Variants in ABLIM1 observed in about 807,000 individuals in gnomAD.
The protein encoded by ABLIM1 is actin binding LIM protein 1, also known as actin-binding LIM protein 1.
In ABLIM1, 40 loss-of-function variants were observed where a neutral mutation model predicts 107.0. The observed-to-expected ratio is 0.37, with a 90% confidence interval of 0.29 to 0.49. The LOEUF (loss-of-function observed/expected upper bound fraction) is 0.49, where lower values mean the gene tolerates loss of function less well. ABLIM1 is among the 20% of genes least tolerant of loss of function. The pLI, the probability that ABLIM1 is intolerant of heterozygous loss-of-function variation, is 0.97. For missense variants in ABLIM1, 857 were observed against 1,008.5 expected, an observed-to-expected ratio of 0.85 and a Z score of 2.04; for synonymous variants, 357 against 357.3, an observed-to-expected ratio of 1.00 and a Z score of 0.01.
chr10:114,689,248 T>C (rs182730756), upstream of ABLIM1, among the ~76,000 whole-genome samples: 18 of 152,126 alleles, frequency 1.2e-4, no homozygotes, highest in Non-Finnish European at 2.5e-4. Flanking sequence ...CCAATGATCC[T>C]AGGCAAATCA....
Position 114,479,153 on chromosome 10 carries a change from G to C in ABLIM1, c.1042-5197C>G, listed in dbSNP as rs188737622. Among the ~76,000 whole-genome samples the C allele has an allele frequency of 3.3e-4, 51 of 152,248 alleles. No individual in the cohort carries two copies. The Middle Eastern group carries it at 0.01, about 30-fold the overall frequency. ...GTACAGAACGCAGCAAGGTGTACCA[G>C]CATAACTATGTCACAGGGTTAAATG... On this transcript the variant is annotated intron_variant, in intron 8 of 22. Coordinates refer to ENST00000533213, the MANE Select transcript of ABLIM1 (RefSeq NM_002313.7).
rs149667058 is a variant in ABLIM1 at position 114,623,149 on chromosome 10, T to C, written c.245-21188A>G. ...TAATTTTTGTATTGTTAATGAACTTTTACCCAAAAATTCCAAATAGCTCTA... is the reference window on the plus strand; with the variant it reads ...TAATTTTTGTATTGTTAATGAACTTCTACCCAAAAATTCCAAATAGCTCTA... On this transcript the variant is annotated intron_variant, in intron 1 of 22. Transcript: ENST00000533213. 1.6e-3 allele frequency among the ~76,000 whole-genome samples: 242 copies of C among 152,282 alleles called. 1 individual carries two copies. The highest frequency in any genetic ancestry group is 5.5e-3 in the African/African-American group (227 of 41,562).
intron 7 of ABLIM1, among the ~76,000 whole-genome samples, chr10:114,488,434 C>T (rs1028833693): frequency 6.6e-6 from 1 of 152,034 alleles, no homozygotes; most frequent in South Asian, 2.1e-4. Flanking sequence ...GTTTAGTTGA[C>T]GGGAATAAAG....
intron 19 of ABLIM1, 100 bp downstream of exon 19, chr10:114,440,917 G>T: frequency 8.6e-7 from 1 of 1,165,164 alleles, no homozygotes; most frequent in Non-Finnish European, 1.3e-6. Flanking sequence ...CTACTCTAAG[G>T]ATACAATACA....
At chr10:114,581,559 A>ATGAG (rs1251252261) in intron 2 of ABLIM1, among the ~76,000 whole-genome samples, 9 of 152,310 alleles carry the variant, frequency 5.9e-5, no homozygotes, top group African/African-American at 1.9e-4. Flanking sequence ...TACAGGTTTT[A>ATGAG]ATCAATTTGT....
In ABLIM1 at chr10:114,632,775, C is replaced by T. The variant is rs1025870785; in HGVS notation, c.244+25182G>A. ...GTTTCATCGGAGTTTTTAGACAAGC[C>T]CCTTGGATGTGCATATACCAGGGAG... is the stretch of plus-strand genomic sequence containing the variant. On this transcript the variant is annotated intron_variant, in intron 1 of 22. Transcript: ENST00000533213. The T allele has an allele frequency of 3.0e-6, 3 of 985,246 alleles. No individual in the cohort carries two copies. The African/African-American group carries it at 5.2e-5, about 17-fold the overall frequency. The allele number at this position is 985,246 out of a possible 1,614,324, so 61.0% of individuals were successfully genotyped here. A position where few individuals can be genotyped will look rare whatever the true frequency, so the allele number is the denominator to read the frequency against.
At chr10:114,520,640 G>A (rs886962001) in intron 6 of ABLIM1, among the ~76,000 whole-genome samples, 14 of 151,554 alleles carry the variant, frequency 9.2e-5, no homozygotes, top group African/African-American at 3.2e-4. Flanking sequence ...AATCAATGAC[G>A]TCCTATCGGT....
the ABLIM1 span, among the ~76,000 whole-genome samples, chr10:114,786,142 G>A: frequency 6.6e-6 from 1 of 151,930 alleles, no homozygotes; most frequent in Non-Finnish European, 1.5e-5. Context: ...TTGAAAAAGA[G>A]AGAAAAGTAA....
chr10:114,562,289 G>A (rs902418145), intron 4 of ABLIM1, among the ~76,000 whole-genome samples: 1 of 152,156 alleles, frequency 6.6e-6, no homozygotes, highest in Non-Finnish European at 1.5e-5. Context: ...CAGCACTTTG[G>A]GAGGCCGAGG....
intron 1 of ABLIM1, among the ~76,000 whole-genome samples, chr10:114,646,857 G>A (rs749956797): frequency 2.0e-5 from 3 of 152,066 alleles, no homozygotes; most frequent in African/African-American, 7.2e-5. Context: ...ATTGAACCAC[G>A]ATCTATGTGA....
At chr10:114,628,390 G>A (rs1202921895) in intron 1 of ABLIM1, among the ~76,000 whole-genome samples, 1 of 152,236 alleles carries the variant, frequency 6.6e-6, no homozygotes, top group Non-Finnish European at 1.5e-5. Context: ...GCACAAGACA[G>A]AATCACGAAG....
chr10:114,599,373 C>G (rs1009460291), intron 2 of ABLIM1, among the ~76,000 whole-genome samples: 2 of 152,234 alleles, frequency 1.3e-5, no homozygotes, highest in Non-Finnish European at 2.9e-5. Flanking sequence ...AAGGAGCTTT[C>G]ACCCCACAGG....
intron 4 of ABLIM1, among the ~76,000 whole-genome samples, chr10:114,559,438 CAAAAAAAAAA>C (rs72456292): frequency 2.0e-5 from 1 of 49,356 alleles, no homozygotes; most frequent in Non-Finnish European, 3.8e-5. Context: ...ACTCGTCTCT[CAAAAAAAAAA>C]AAAAAAAAAA....
chr10:114,799,367 T>C, the ABLIM1 span, among the ~76,000 whole-genome samples: 3 of 152,208 alleles, frequency 2.0e-5, no homozygotes, highest in Admixed American at 6.5e-5. Context: ...TTCTCATTTA[T>C]ATTTCCACAC....
intron 22 of ABLIM1, among the ~76,000 whole-genome samples, chr10:114,436,800 G>A (rs2059466668): frequency 6.6e-6 from 1 of 152,028 alleles, no homozygotes; most frequent in Admixed American, 6.5e-5. Context: ...GGGGTAAGGT[G>A]GATGTCTGTT....
At chr10:114,705,061 T>TG (rs544711178) in intron 1 of ABLIM1, among the ~76,000 whole-genome samples, 1 of 152,110 alleles carries the variant, frequency 6.6e-6, no homozygotes, top group Non-Finnish European at 1.5e-5. Flanking sequence ...GCATCAGGTC[T>TG]GGTTCTTAGA....
intron 1 of ABLIM1, among the ~76,000 whole-genome samples, chr10:114,719,495 A>G (rs1304880055): frequency 6.6e-6 from 1 of 152,210 alleles, no homozygotes; most frequent in East Asian, 1.9e-4. Context: ...GTACGCTATC[A>G]AGGTCACTGA....
At chr10:114,718,032 A>AAGGAAGGAAGGAAAGAAGGAAGGAAGGG (rs753398691) in intron 1 of ABLIM1, among the ~76,000 whole-genome samples, 2 of 93,006 alleles carry the variant, frequency 2.2e-5, no homozygotes, top group South Asian at 7.2e-4. Context: ...GGAAGGAAGG[A>AAGGAAGGAAGGAAAGAAGGAAGGAAGGG]GAAAGAGAAA....
chr10:114,451,286 T>A (rs1245670344), intron 14 of ABLIM1, among the ~76,000 whole-genome samples: 1 of 152,198 alleles, frequency 6.6e-6, no homozygotes, highest in African/African-American at 2.4e-5. Context: ...AAAATTATTT[T>A]AAAGGGTGAC....
Sources: gnomAD v4.1 joint callset for allele counts (sites outside exome capture counted in the v4.1 genomes callset) on GRCh38, gnomAD v4.1.1 for gene constraint, MANE v1.5 for transcripts, NCBI Gene and HGNC (gene_info 2026-07-23, HGNC 2026-07-21) for gene names.